The following NDUFA5 variants were observed in gnomAD, a reference collection of about 807,000 sequenced individuals.
NDUFA5 encodes the protein NADH dehydrogenase [ubiquinone] 1 alpha subcomplex subunit 5.
In NDUFA5, 11 loss-of-function variants were observed where a neutral mutation model predicts 19.8. The observed-to-expected ratio is 0.56, with a 90% CI of 0.35 to 0.92. The LOEUF is 0.92. NDUFA5 is among the 40% of genes least tolerant of loss of function. The pLI is 0.01. For missense variants in NDUFA5, 109 were observed against 134.2 expected, an observed-to-expected ratio of 0.81 and a Z score of 0.93; for synonymous variants, 47 against 46.8, an observed-to-expected ratio of 1.00 and a Z score of -0.01.
intron 2 of NDUFA5, chr7:123,554,735 G>A (rs1418042191): frequency 6.6e-6 from 1 of 150,794 alleles, no homozygotes; most frequent in East Asian, 1.9e-4. Context: ...CCAGGCTAGA[G>A]TGTAATGGCA....
chr7:123,571,825 C>T, the NDUFA5 span, among the ~76,000 whole-genome samples: 3 of 152,166 alleles, frequency 2.0e-5, no homozygotes, highest in Non-Finnish European at 2.9e-5. Context: ...AGTGCAGTGG[C>T]ATGATCATGA....
chr7:123,570,489 G>T, the NDUFA5 span, among the ~76,000 whole-genome samples: 9,863 of 151,828 alleles, frequency 0.065, 352 homozygotes, highest in Non-Finnish European at 0.078. Flanking sequence ...TCCTTGAATG[G>T]CCTTTTCTTT....
the NDUFA5 span, among the ~76,000 whole-genome samples, chr7:123,596,824 A>T: frequency 8.9e-4 from 135 of 152,348 alleles, no homozygotes; most frequent in Non-Finnish European, 5.9e-5. Context: ...ACATGAAAAG[A>T]TCAATTATTT....
In NDUFA5 at chr7:123,537,850, T is replaced by C. The variant is rs1797799236; in HGVS notation, c.*4269A>G. ...GTAAAAAAAAAAAAATAGTTATCTT[T>C]AGAAAACCTAATAGATTCACCTAAA... is the stretch of plus-strand genomic sequence containing the variant. On this transcript the variant is annotated 3_prime_UTR_variant, in exon 5 of 5. Coordinates refer to ENST00000355749, the MANE Select transcript of NDUFA5 (RefSeq NM_005000.5). 2.6e-5 allele frequency: 4 copies of C among 152,094 alleles called. No individual in the cohort carries two copies. Among genetic ancestry groups the C allele is most frequent in the African/African-American group, 7.2e-5 (3 of 41,420 alleles). 9.4% of individuals were successfully genotyped at this position (152,094 alleles called of 1,614,324 possible).
chr7:123,558,148 G>A, upstream of NDUFA5: 1 of 352,262 alleles, frequency 2.8e-6, no homozygotes, highest in Non-Finnish European at 5.3e-6. Flanking sequence ...GTGCTTAACC[G>A]TTGATGCATT....
At chr7:123,596,999 G>GT in the NDUFA5 span, among the ~76,000 whole-genome samples, 173 of 152,324 alleles carry the variant, frequency 1.1e-3, no homozygotes, top group African/African-American at 4.0e-3. Flanking sequence ...ACTGAGATAT[G>GT]TAAGAAGTCA....
the NDUFA5 span, among the ~76,000 whole-genome samples, chr7:123,595,718 A>G: frequency 1.3e-5 from 2 of 152,184 alleles, no homozygotes; most frequent in Admixed American, 1.3e-4. Context: ...ACATTCATCT[A>G]CTTCTCTGGA....
At position 123,538,146 on chromosome 7, in the gene NDUFA5, C is replaced by T. The variant is rs1386324570; in HGVS notation, c.*3973G>A. 6.6e-6 allele frequency: 1 copy of T among 152,120 alleles called. No homozygotes were observed. The highest frequency in any genetic ancestry group is 1.5e-5 in the Non-Finnish European group (1 of 68,026). 9.4% of individuals were successfully genotyped at this position (152,120 alleles called of 1,614,324 possible). ...TTTACCATGTTCCAATTCCCCACCA[C>T]CACTATGGTCATGGAAATATATGTT... is the stretch of plus-strand genomic sequence containing the variant. On this transcript the variant is annotated 3_prime_UTR_variant, in exon 5 of 5. Transcript: ENST00000355749.
At chr7:123,598,020 G>A in the NDUFA5 span, among the ~76,000 whole-genome samples, 1 of 149,548 alleles carries the variant, frequency 6.7e-6, no homozygotes, top group Admixed American at 6.7e-5. Flanking sequence ...CTACTTGTTT[G>A]TCTCTATACA....
chr7:123,560,947 C>A (rs1036219268), upstream of NDUFA5, among the ~76,000 whole-genome samples: 1 of 152,124 alleles, frequency 6.6e-6, no homozygotes, highest in Non-Finnish European at 1.5e-5. Flanking sequence ...GAAAACAATT[C>A]TATTTACCAT....
chr7:123,588,386 C>T, the NDUFA5 span, among the ~76,000 whole-genome samples: 1 of 151,356 alleles, frequency 6.6e-6, no homozygotes, highest in Non-Finnish European at 1.5e-5. Flanking sequence ...TTATTCATTT[C>T]ATTTGAATCT....
the NDUFA5 span, among the ~76,000 whole-genome samples, chr7:123,587,286 G>A: frequency 6.6e-6 from 1 of 150,942 alleles, no homozygotes; most frequent in African/African-American, 2.4e-5. Flanking sequence ...TTTACTCCCA[G>A]GTATTTTATT....
At chr7:123,564,412 T>C in the NDUFA5 span, among the ~76,000 whole-genome samples, 1 of 152,192 alleles carries the variant, frequency 6.6e-6, no homozygotes, top group Admixed American at 6.5e-5. Flanking sequence ...TCTTACACCT[T>C]GCAATCCACA....
rs201094680 is a variant in NDUFA5, at chr7:123,542,223, G to A, written c.250-3C>T. ...GCCAGATTTAGTTCATGTTCAGCCT[G>A]TTAATACAAATTTTTTAAAAGATCA... On this transcript the variant is annotated splice_region_variant and splice_polypyrimidine_tract_variant and intron_variant, in intron 4 of 4. Transcript: ENST00000355749. 7.5e-6 allele frequency: 12 copies of A among 1,602,040 alleles called. No individual in the cohort carries two copies. In the East Asian group the frequency reaches 2.5e-4, roughly 33 times the overall value.
chr7:123,585,049 C>T, the NDUFA5 span: 2 of 151,542 alleles, frequency 1.3e-5, no homozygotes, highest in Admixed American at 6.6e-5. Flanking sequence ...AGGAAAATTA[C>T]GAGGAAAGAT....
the NDUFA5 span, among the ~76,000 whole-genome samples, chr7:123,566,017 T>TAAA: frequency 3.1e-5 from 4 of 129,586 alleles, no homozygotes; most frequent in Non-Finnish European, 6.6e-5. Flanking sequence ...AGACTCCGTC[T>TAAA]AAAAAAAAAA....
chr7:123,571,978 T>G, the NDUFA5 span, among the ~76,000 whole-genome samples: 1 of 151,794 alleles, frequency 6.6e-6, no homozygotes, highest in African/African-American at 2.4e-5. Context: ...TCACTACATC[T>G]TTTGTAGGGA....
Position 123,551,588 on chromosome 7 carries a change from AAC to A in NDUFA5, c.67-1004_67-1003del, listed in dbSNP as rs150289358. ...TCTTATTTGAATTTCTGTAGAAATAAACACATATAATCATTACATCTGTATGA... is the reference window on the plus strand; with the variant it reads ...TCTTATTTGAATTTCTGTAGAAATAAACATATAATCATTACATCTGTATGA... On this transcript the variant is annotated intron_variant, in intron 2 of 4. Transcript: ENST00000355749. 1.8e-3 allele frequency: 1,297 copies of A among 737,494 alleles called. 20 individuals carry two copies. In the African/African-American group the frequency reaches 0.024, roughly 14 times the overall value. The allele number at this position is 737,494 out of a possible 1,614,324, so 45.7% of individuals were successfully genotyped here. A position where few individuals can be genotyped will look rare whatever the true frequency, so the allele number is the denominator to read the frequency against.
the NDUFA5 span, among the ~76,000 whole-genome samples, chr7:123,573,783 C>T: frequency 6.6e-6 from 1 of 151,938 alleles, no homozygotes; most frequent in Admixed American, 6.6e-5. Context: ...AGTCTAAAGA[C>T]CAATAGCTTT....
Sources: allele counts gnomAD v4.1 joint callset (sites outside exome capture counted in the v4.1 genomes callset), GRCh38; gene constraint gnomAD v4.1.1; transcripts MANE v1.5; gene names NCBI Gene and HGNC (gene_info 2026-07-23, HGNC 2026-07-21).